The following IMMP2L variants were observed in gnomAD, a reference collection of about 807,000 sequenced individuals.
IMMP2L encodes mitochondrial inner membrane protease subunit 2.
In IMMP2L, 18 loss-of-function variants were observed where a neutral mutation model predicts 19.3. The ratio of observed to expected loss-of-function variants is 0.93; its 90% CI spans 0.64 to 1.38. IMMP2L has a LOEUF of 1.38. IMMP2L is among the 40% of genes most tolerant of loss of function. The pLI, the probability that IMMP2L is intolerant of heterozygous loss-of-function variation, is 0.00. For missense variants in IMMP2L, 233 were observed against 218.2 expected, an observed-to-expected ratio of 1.07 and a Z score of -0.43; for synonymous variants, 76 against 73.0, an observed-to-expected ratio of 1.04 and a Z score of -0.21.
At chr7:110,734,292 CA>C (rs998886006) in intron 5 of IMMP2L, among the ~76,000 whole-genome samples, 1 of 152,128 alleles carries the variant, frequency 6.6e-6, no homozygotes, top group Admixed American at 6.5e-5. Flanking sequence ...ACATCTTAGA[CA>C]GAAATGAGAA....
At chr7:111,293,401 A>G (rs924291392) in intron 3 of IMMP2L, among the ~76,000 whole-genome samples, 1 of 151,852 alleles carries the variant, frequency 6.6e-6, no homozygotes, top group African/African-American at 2.4e-5. Flanking sequence ...CCTAAGTAGA[A>G]CAGGGCAAAA....
intron 1 of IMMP2L, among the ~76,000 whole-genome samples, chr7:111,552,676 G>A (rs1250456230): frequency 6.6e-6 from 1 of 152,140 alleles, no homozygotes; most frequent in Admixed American, 6.5e-5. Context: ...ATGTCAGGTA[G>A]AGACTGTTAT....
intron 3 of IMMP2L, among the ~76,000 whole-genome samples, chr7:111,350,379 A>G (rs1828030283): frequency 6.6e-6 from 1 of 151,336 alleles, no homozygotes; most frequent in South Asian, 2.1e-4. Context: ...AGTTGGACTT[A>G]TCTTTATTTT....
At chr7:110,669,392 C>T (rs931932324) in intron 5 of IMMP2L, among the ~76,000 whole-genome samples, 2 of 152,044 alleles carry the variant, frequency 1.3e-5, no homozygotes, top group Non-Finnish European at 2.9e-5. Flanking sequence ...AGAGGCTTAC[C>T]CACATTACAG....
At chr7:111,167,043 C>A (rs1003329298) in intron 3 of IMMP2L, among the ~76,000 whole-genome samples, 8 of 151,946 alleles carry the variant, frequency 5.3e-5, no homozygotes, top group Non-Finnish European at 1.0e-4. Context: ...ACCCACTACA[C>A]CACAGAAAAA....
At chr7:111,301,839 T>C (rs547462312) in intron 3 of IMMP2L, among the ~76,000 whole-genome samples, 11 of 149,084 alleles carry the variant, frequency 7.4e-5, no homozygotes, top group Admixed American at 1.4e-4. Flanking sequence ...CAATAACACA[T>C]TGTCTTGAAT....
intron 4 of IMMP2L, among the ~76,000 whole-genome samples, chr7:110,957,657 A>G (rs556302435): frequency 6.6e-6 from 1 of 152,106 alleles, no homozygotes; most frequent in Non-Finnish European, 1.5e-5. Flanking sequence ...AGTCCCAACC[A>G]TGCTGGCTTC....
intron 3 of IMMP2L, among the ~76,000 whole-genome samples, chr7:111,061,316 G>A (rs1793993372): frequency 6.6e-6 from 1 of 152,194 alleles, no homozygotes; most frequent in South Asian, 2.1e-4. Flanking sequence ...CAATGAAGCA[G>A]GAAAGACTAG....
At chr7:111,464,015 C>T (rs897253899) in intron 3 of IMMP2L, among the ~76,000 whole-genome samples, 7 of 152,128 alleles carry the variant, frequency 4.6e-5, no homozygotes, top group Non-Finnish European at 7.4e-5. Context: ...TCCTTTCCTC[C>T]TTCACACTTA....
intron 5 of IMMP2L, among the ~76,000 whole-genome samples, chr7:110,725,449 T>C (rs1392794548): frequency 6.6e-6 from 1 of 152,114 alleles, no homozygotes; most frequent in African/African-American, 2.4e-5. Context: ...TTAAAATTCT[T>C]TTAATTTCCA....
chr7:110,871,588 G>A (rs755682391), intron 5 of IMMP2L, among the ~76,000 whole-genome samples: 6 of 152,128 alleles, frequency 3.9e-5, no homozygotes, highest in South Asian at 4.1e-4. Flanking sequence ...TGAACGTGAT[G>A]CTGACAAAGA....
chr7:111,352,337 A>G (rs369242840), intron 3 of IMMP2L, among the ~76,000 whole-genome samples: 1 of 151,276 alleles, frequency 6.6e-6, no homozygotes, highest in South Asian at 2.1e-4. Flanking sequence ...TAGCTGGGTA[A>G]TGCAGGTACA....
At chr7:111,387,934 C>A (rs747702917) in intron 3 of IMMP2L, among the ~76,000 whole-genome samples, 4 of 146,532 alleles carry the variant, frequency 2.7e-5, no homozygotes, top group Non-Finnish European at 4.5e-5. Flanking sequence ...CAACATCACA[C>A]CACTGCACTC....
intron 3 of IMMP2L, among the ~76,000 whole-genome samples, chr7:111,369,312 T>G (rs1286163456): frequency 6.6e-6 from 1 of 151,982 alleles, no homozygotes; most frequent in African/African-American, 2.4e-5. Context: ...TTTTTACATT[T>G]TGTAATACCA....
chr7:111,355,276 T>C (rs1828582564), intron 3 of IMMP2L, among the ~76,000 whole-genome samples: 1 of 151,866 alleles, frequency 6.6e-6, no homozygotes, highest in African/African-American at 2.4e-5. Flanking sequence ...AAGTTAAAAA[T>C]ATAATGTACA....
At chr7:111,010,275 A>C (rs1194725161) in intron 3 of IMMP2L, among the ~76,000 whole-genome samples, 1 of 152,178 alleles carries the variant, frequency 6.6e-6, no homozygotes, top group African/African-American at 2.4e-5. Context: ...ACAAATGTTA[A>C]GAAACCAAAT....
chr7:110,783,185 T>C (rs919888238), intron 5 of IMMP2L, among the ~76,000 whole-genome samples: 9 of 151,870 alleles, frequency 5.9e-5, no homozygotes, highest in East Asian at 3.9e-4. Flanking sequence ...GGGAAAATGA[T>C]AGCATGCTAA....
intron 1 of IMMP2L, among the ~76,000 whole-genome samples, chr7:111,545,803 A>C (rs1333539520): frequency 6.6e-6 from 1 of 151,966 alleles, no homozygotes; most frequent in Non-Finnish European, 1.5e-5. Context: ...TTTATTTTTT[A>C]CCTAATACAA....
chr7:111,397,701 G>C (rs1833011138), intron 3 of IMMP2L, among the ~76,000 whole-genome samples: 1 of 151,994 alleles, frequency 6.6e-6, no homozygotes, highest in Non-Finnish European at 1.5e-5. Flanking sequence ...TGAACTATCT[G>C]TTCATGACCT....
Sources: gnomAD v4.1 joint callset for allele counts (sites outside exome capture counted in the v4.1 genomes callset) on GRCh38, gnomAD v4.1.1 for gene constraint, MANE v1.5 for transcripts, NCBI Gene and HGNC (gene_info 2026-07-23, HGNC 2026-07-21) for gene names.